The following ZNF608 variants were observed in gnomAD, a reference collection of about 807,000 sequenced individuals.
The protein encoded by ZNF608 is renal carcinoma antigen NY-REN-36.
In ZNF608, 12 loss-of-function variants were observed where a neutral mutation model predicts 109.0. The observed-to-expected ratio is 0.11, with a 90% CI of 0.07 to 0.18. ZNF608 has a LOEUF of 0.18. Ranked by LOEUF, ZNF608 falls within the 10% of genes least tolerant of loss-of-function variation. The probability of loss-of-function intolerance (pLI) is 1.00; values close to 1 mark genes in which losing one functional copy is unlikely to be tolerated. For missense variants in ZNF608, 1,707 were observed against 1,879.3 expected (o/e 0.91, Z 1.70); for synonymous variants, 732 against 717.4 (o/e 1.02, Z -0.33).
At chr5:124,733,260 C>T (rs1197935680) in intron 2 of ZNF608, among the ~76,000 whole-genome samples, 1 of 145,142 alleles carries the variant, frequency 6.9e-6, no homozygotes, top group Non-Finnish European at 1.5e-5. Flanking sequence ...GGCTACCCAA[C>T]CCAAAGACTT....
chr5:124,726,647 A>G (rs1133492), intron 2 of ZNF608, among the ~76,000 whole-genome samples: 51,216 of 145,368 alleles, frequency 0.35, 9,524 homozygotes, highest in Middle Eastern at 0.49. Flanking sequence ...ACAACAGTCA[A>G]CAGTAAGATT....
intron 1 of ZNF608, among the ~76,000 whole-genome samples, chr5:124,745,787 CAT>C (rs1749618277): frequency 6.6e-6 from 1 of 152,186 alleles, no homozygotes; most frequent in South Asian, 2.1e-4. Flanking sequence ...AACACACACA[CAT>C]ACCTCCCTCC....
intron 9 of ZNF608, chr5:124,638,779 T>C (rs1037250998): frequency 9.9e-7 from 1 of 1,008,200 alleles, no homozygotes; most frequent in Non-Finnish European, 1.2e-6. Flanking sequence ...GAACAAACAT[T>C]ACCTTTAGCA....
At chr5:124,713,778 G>C (rs1316957593) in intron 2 of ZNF608, among the ~76,000 whole-genome samples, 5 of 152,160 alleles carry the variant, frequency 3.3e-5, no homozygotes, top group Admixed American at 6.5e-5. Flanking sequence ...TGGTGGAGAG[G>C]GGGAGGGGAA....
At chr5:124,683,814 A>G (rs1752297640) in intron 3 of ZNF608, among the ~76,000 whole-genome samples, 1 of 152,206 alleles carries the variant, frequency 6.6e-6, no homozygotes, top group Non-Finnish European at 1.5e-5. Flanking sequence ...TCTTAATACA[A>G]GGTATATATA....
chr5:124,648,418 C>T lies in ZNF608; in HGVS notation c.1966G>A (p.Ala656Thr), dbSNP rs763656164. ...TTCTTTTTGCCAGAATTCTTCCCAG[C>T]TTTAGCACCAATAATGGAACCTGGG... ...NGPGSIIGAK[A>T]GKNSGKKKGL... The change falls in exon 5 of 10, where the codon GCT (alanine) becomes ACT (threonine). Residue 656 changes from alanine (A) to threonine (T), a missense_variant. Physicochemically the swap from Ala to Thr is moderately conservative, Grantham distance 58. This residue lies in a region of ZNF608 where 1,073 missense variants were observed against 1,133.5 expected (regional missense o/e 0.95). Transcript: ENST00000513986. The T allele has an allele frequency of 3.2e-5, 51 of 1,614,194 alleles. No individual in the cohort carries two copies. The South Asian group carries it at 4.1e-4, about 13-fold the overall frequency.
At chr5:124,679,622 A>G (rs1296027200) in intron 3 of ZNF608, among the ~76,000 whole-genome samples, 2 of 152,238 alleles carry the variant, frequency 1.3e-5, no homozygotes, top group Non-Finnish European at 2.9e-5. Flanking sequence ...AAGGAAGGCA[A>G]GCAAGTACCT....
intron 3 of ZNF608, among the ~76,000 whole-genome samples, chr5:124,683,824 A>AAGT (rs1752298657): frequency 6.6e-6 from 1 of 152,224 alleles, no homozygotes; most frequent in Admixed American, 6.5e-5. Context: ...AGGTATATAT[A>AAGT]AGTAGCACTA....
chr5:124,677,881 G>A (rs1250625561), intron 3 of ZNF608, among the ~76,000 whole-genome samples: 1 of 152,120 alleles, frequency 6.6e-6, no homozygotes, highest in Non-Finnish European at 1.5e-5. Flanking sequence ...AAGGCCCCGA[G>A]CCAGAAACAC....
At chr5:124,666,657 A>G (rs1019230826) in intron 3 of ZNF608, among the ~76,000 whole-genome samples, 4 of 151,322 alleles carry the variant, frequency 2.6e-5, no homozygotes, top group South Asian at 2.1e-4. Context: ...TAGTAACTCA[A>G]TGTGACTACT....
intron 2 of ZNF608, among the ~76,000 whole-genome samples, chr5:124,742,763 A>G (rs1749467028): frequency 6.6e-6 from 1 of 152,202 alleles, no homozygotes; most frequent in Non-Finnish European, 1.5e-5. Context: ...TTAAATCCTG[A>G]ACACAAAAAC....
At chr5:124,720,033 A>C (rs531258526) in intron 2 of ZNF608, among the ~76,000 whole-genome samples, 6 of 152,180 alleles carry the variant, frequency 3.9e-5, no homozygotes, top group Non-Finnish European at 8.8e-5. Context: ...TAACAAAACA[A>C]CCAACAGGAG....
chr5:124,643,224 T>G (rs1750328262), intron 7 of ZNF608, among the ~76,000 whole-genome samples: 1 of 152,172 alleles, frequency 6.6e-6, no homozygotes, highest in Non-Finnish European at 1.5e-5. Flanking sequence ...AAAAGTTGGT[T>G]CCTATGAATT....
intron 7 of ZNF608, among the ~76,000 whole-genome samples, chr5:124,642,665 G>A (rs1315922412): frequency 1.4e-5 from 2 of 141,498 alleles, no homozygotes; most frequent in African/African-American, 2.6e-5. Context: ...TTACTGCCAT[G>A]TCATTTTGAA....
At chr5:124,654,781 C>A (rs920146123) in intron 3 of ZNF608, among the ~76,000 whole-genome samples, 1 of 152,224 alleles carries the variant, frequency 6.6e-6, no homozygotes, top group African/African-American at 2.4e-5. Flanking sequence ...TGTCTGGCTG[C>A]AATGGAAATG....
Position 124,701,288 on chromosome 5 carries a change from T to TA in ZNF608, c.907-20dup. The stretch of plus-strand genomic sequence containing the variant: ...GGTCAACCTGAAAGACAGACAGGCT[T>TA]ACTGCAGTAGTGCTGCATTCCGTGA... On this transcript the variant is annotated intron_variant, in intron 2 of 9. Transcript: ENST00000513986. The TA allele has an allele frequency of 6.2e-7, 1 of 1,613,564 alleles. No individual in the cohort carries two copies. Among genetic ancestry groups the TA allele is most frequent in the Non-Finnish European group, 8.5e-7 (1 of 1,179,654 alleles).
At chr5:124,721,199 A>T (rs1753887210) in intron 2 of ZNF608, among the ~76,000 whole-genome samples, 1 of 152,220 alleles carries the variant, frequency 6.6e-6, no homozygotes, top group African/African-American at 2.4e-5. Context: ...AGAATTAAAA[A>T]TGTCACATAA....
chr5:124,679,459 C>T (rs1239514041), intron 3 of ZNF608, among the ~76,000 whole-genome samples: 1 of 148,082 alleles, frequency 6.8e-6, no homozygotes, highest in South Asian at 2.3e-4. Context: ...TTCCTTCCTT[C>T]TGTCCTTCCT....
chr5:124,678,979 T>C (rs746911594), intron 3 of ZNF608, among the ~76,000 whole-genome samples: 2 of 152,290 alleles, frequency 1.3e-5, no homozygotes, highest in South Asian at 2.1e-4. Context: ...CAGACTTACA[T>C]GAAGGAGCAA....
Sources: gnomAD v4.1 joint callset for allele counts (sites outside exome capture counted in the v4.1 genomes callset) on GRCh38, gnomAD v4.1.1 for gene constraint, gnomAD v4.1.1 regional missense constraint, MANE v1.5 for transcripts, NCBI Gene and HGNC (gene_info 2026-07-23, HGNC 2026-07-21) for gene names.